The following TAFA1 variants were observed in gnomAD, a reference collection of about 807,000 sequenced individuals.
TAFA1 encodes the protein TAFA chemokine like family member 1, also known as chemokine-like protein TAFA-1.
A neutral mutation model predicts 18.5 loss-of-function variants in TAFA1; 4 were observed. The ratio of observed to expected loss-of-function variants is 0.22; its 90% CI spans 0.11 to 0.49. The LOEUF is 0.49. Ranked by LOEUF, TAFA1 falls within the 20% of genes least tolerant of loss-of-function variation. The probability of loss-of-function intolerance (pLI) is 0.98; values close to 1 mark genes in which losing one functional copy is unlikely to be tolerated. For missense variants in TAFA1, 147 were observed against 169.0 expected (o/e 0.87, Z 0.72); for synonymous variants, 56 against 55.2 (o/e 1.01, Z -0.06).
intron 3 of TAFA1, among the ~76,000 whole-genome samples, chr3:68,418,825 A>G (rs1364014323): frequency 6.6e-6 from 1 of 152,202 alleles, no homozygotes; most frequent in Non-Finnish European, 1.5e-5. Flanking sequence ...AATCCTCCCA[A>G]CAATTCTACA....
At chr3:68,256,687 TA>T (rs2067305622) in intron 2 of TAFA1, among the ~76,000 whole-genome samples, 1 of 152,126 alleles carries the variant, frequency 6.6e-6, no homozygotes, top group South Asian at 2.1e-4. Flanking sequence ...AAGAAGAGGA[TA>T]GCAAATTTGA....
At chr3:68,228,149 G>A (rs1028161326) in intron 2 of TAFA1, among the ~76,000 whole-genome samples, 2 of 152,222 alleles carry the variant, frequency 1.3e-5, no homozygotes, top group Admixed American at 6.5e-5. Context: ...ATCATGAAGA[G>A]TAAACAAGAT....
intron 2 of TAFA1, among the ~76,000 whole-genome samples, chr3:68,028,306 C>CAAACA (rs376127652): frequency 0.018 from 2,685 of 151,690 alleles, 94 homozygotes; most frequent in African/African-American, 0.062. Flanking sequence ...TCTCAAAAAA[C>CAAACA]AAACAAAACA....
rs1178364379 is a variant in TAFA1, at chr3:68,229,418, T to C, written c.119-187862T>C. Among the ~76,000 whole-genome samples, 4 of 152,366 alleles carry C rather than the reference T, an allele frequency of 2.6e-5. No individual in the cohort carries two copies. In the East Asian group the frequency reaches 7.7e-4, roughly 29 times the overall value. On this transcript the variant is annotated intron_variant, in intron 2 of 4. Coordinates refer to ENST00000478136, the MANE Select transcript of TAFA1 (RefSeq NM_213609.4). ...TGCTGCTTTACTGTCTAAAATGTCA[T>C]CGCTCAACCATTTTCACTGGTTTGT...
intron 3 of TAFA1, among the ~76,000 whole-genome samples, chr3:68,525,995 G>T (rs1280795783): frequency 6.6e-6 from 1 of 152,140 alleles, no homozygotes; most frequent in Non-Finnish European, 1.5e-5. Context: ...AGCCACCTAT[G>T]ACAGCTTAAT....
At chr3:68,006,409 T>G (rs1351537811) in intron 1 of TAFA1, 2 of 513,854 alleles carry the variant, frequency 3.9e-6, no homozygotes, top group Non-Finnish European at 7.0e-6. Context: ...GGAGTTTTGT[T>G]TTGCAGAATT....
chr3:68,377,170 A>G (rs1247266358), intron 2 of TAFA1, among the ~76,000 whole-genome samples: 1 of 152,240 alleles, frequency 6.6e-6, no homozygotes, highest in African/African-American at 2.4e-5. Flanking sequence ...GGGTGCTGCT[A>G]TAAATAGATA....
chr3:68,460,812 T>C (rs1162166675), intron 3 of TAFA1, among the ~76,000 whole-genome samples: 1 of 152,242 alleles, frequency 6.6e-6, no homozygotes, highest in East Asian at 1.9e-4. Flanking sequence ...CAGGTGATGC[T>C]GATGCTGCTA....
intron 2 of TAFA1, among the ~76,000 whole-genome samples, chr3:68,393,413 A>T (rs115551514): frequency 0.015 from 2,274 of 151,926 alleles, 69 homozygotes; most frequent in African/African-American, 0.052. Context: ...ATGGATTCAT[A>T]GCCAAATTCT....
chr3:68,262,349 A>ATTTATATT (rs1435596729), intron 2 of TAFA1, among the ~76,000 whole-genome samples: 2 of 78,730 alleles, frequency 2.5e-5, no homozygotes, highest in African/African-American at 9.4e-5. Context: ...ATATATATAT[A>ATTTATATT]TATATATATT....
chr3:68,369,541 C>T lies in TAFA1; in HGVS notation c.119-47739C>T, dbSNP rs1017578949. Among the ~76,000 whole-genome samples, 73 of 152,052 alleles carry T rather than the reference C, an allele frequency of 4.8e-4. 1 individual carries two copies. Among genetic ancestry groups the T allele is most frequent in the Admixed American group, 4.8e-3 (73 of 15,258 alleles). ...AAATTGGTGCTATCAACCCTGTCAC[C>T]CCATTGGTTGTTAGCCAATAGTAGT... On this transcript the variant is annotated intron_variant, in intron 2 of 4. Transcript: ENST00000478136.
chr3:68,275,236 C>G (rs1575738208), intron 2 of TAFA1, among the ~76,000 whole-genome samples: 1 of 151,828 alleles, frequency 6.6e-6, no homozygotes, highest in South Asian at 2.1e-4. Flanking sequence ...GCAAAATAAG[C>G]AAATAATTAA....
chr3:68,151,355 G>C (rs1182811437), intron 2 of TAFA1, among the ~76,000 whole-genome samples: 1 of 152,108 alleles, frequency 6.6e-6, no homozygotes, highest in African/African-American at 2.4e-5. Flanking sequence ...AAGTAAGGCA[G>C]GCAGCTTTTC....
intron 2 of TAFA1, among the ~76,000 whole-genome samples, chr3:68,395,578 A>C (rs530293959): frequency 6.6e-6 from 1 of 152,190 alleles, no homozygotes; most frequent in South Asian, 2.1e-4. Flanking sequence ...AATGATAGAC[A>C]GGATAAAGAA....
chr3:68,296,059 A>G (rs1202831081), intron 2 of TAFA1, among the ~76,000 whole-genome samples: 3 of 152,232 alleles, frequency 2.0e-5, no homozygotes, highest in African/African-American at 4.8e-5. Context: ...TTGGAAAATG[A>G]GCACCATTAT....
At chr3:68,467,802 C>T (rs2071918310) in intron 3 of TAFA1, among the ~76,000 whole-genome samples, 1 of 152,104 alleles carries the variant, frequency 6.6e-6, no homozygotes, top group Admixed American at 6.6e-5. Context: ...ACTGATTTAG[C>T]AAATTCTTGC....
At chr3:68,434,244 AGAT>A (rs1023083542) in intron 3 of TAFA1, among the ~76,000 whole-genome samples, 8 of 152,036 alleles carry the variant, frequency 5.3e-5, no homozygotes, top group Non-Finnish European at 1.2e-4. Flanking sequence ...TGGTAACTTG[AGAT>A]TGGTGTGGAC....
intron 2 of TAFA1, among the ~76,000 whole-genome samples, chr3:68,048,548 C>G (rs906920011): frequency 1.3e-5 from 2 of 151,876 alleles, no homozygotes; most frequent in African/African-American, 4.8e-5. Flanking sequence ...AGATCTTATT[C>G]ATTCTCCCTT....
intron 2 of TAFA1, among the ~76,000 whole-genome samples, chr3:68,101,148 A>G (rs1012904787): frequency 6.6e-6 from 1 of 151,878 alleles, no homozygotes; most frequent in African/African-American, 2.4e-5. Flanking sequence ...TTTCCTGATC[A>G]TCTCCTTCTT....
Sources: gnomAD v4.1 joint callset for allele counts (sites outside exome capture counted in the v4.1 genomes callset) on GRCh38, gnomAD v4.1.1 for gene constraint, MANE v1.5 for transcripts, NCBI Gene and HGNC (gene_info 2026-07-23, HGNC 2026-07-21) for gene names.